Variants in CDH13 observed in about 807,000 individuals in gnomAD.
CDH13 encodes cadherin-13.
In CDH13, 24 loss-of-function variants were observed where a neutral mutation model predicts 63.8. The observed-to-expected ratio is 0.38, with a 90% CI of 0.27 to 0.53. The LOEUF is 0.53. Among genes scored for constraint, CDH13 ranks in the 20% least tolerant of loss-of-function variants. CDH13 has a pLI of 0.85. For synonymous variants in CDH13, 503 were observed against 355.3 expected, an observed-to-expected ratio of 1.42 and a Z score of -4.67; for missense variants, 1,049 against 903.1, an observed-to-expected ratio of 1.16 and a Z score of -2.07.
At chr16:83,402,464 A>T (rs1045561468) in intron 6 of CDH13, among the ~76,000 whole-genome samples, 1 of 152,244 alleles carries the variant, frequency 6.6e-6, no homozygotes, top group African/African-American at 2.4e-5. Context: ...TTACCAATCC[A>T]CAGAAATAGT....
intron 2 of CDH13, among the ~76,000 whole-genome samples, chr16:83,014,650 G>C (rs1914505863): frequency 6.8e-6 from 1 of 147,932 alleles, no homozygotes; most frequent in Non-Finnish European, 1.5e-5. Context: ...AGAATTGCTT[G>C]AACCTGGGAG....
intron 2 of CDH13, among the ~76,000 whole-genome samples, chr16:83,000,220 CTTATTTTTTTTTTTTTTTTTTTTTTTTT>C (rs1417153989): frequency 5.6e-4 from 19 of 33,948 alleles, no homozygotes; most frequent in African/African-American, 1.2e-3. Flanking sequence ...ACAGGTTTAG[CTTATTTTTTTTTTTTTTTTTTTTTTTTT>C]TTTTTTTTTT....
intron 7 of CDH13, among the ~76,000 whole-genome samples, chr16:83,590,911 T>C (rs1323874322): frequency 6.8e-6 from 1 of 147,862 alleles, no homozygotes; most frequent in Admixed American, 6.7e-5. Context: ...TTCTTTTTTT[T>C]TTTTTTTTTT....
chr16:83,351,465 G>A (rs986209681), intron 6 of CDH13, among the ~76,000 whole-genome samples: 1 of 152,090 alleles, frequency 6.6e-6, no homozygotes, highest in Admixed American at 6.5e-5. Flanking sequence ...GAGAGATGCA[G>A]GTGCACAGTT....
At chr16:83,173,873 A>T (rs2038020385) in intron 4 of CDH13, among the ~76,000 whole-genome samples, 2 of 152,036 alleles carry the variant, frequency 1.3e-5, no homozygotes, top group Non-Finnish European at 2.9e-5. Flanking sequence ...GGTTCCTATC[A>T]AACTCTGCTT....
chr16:82,627,786 G>A (rs1907518074), intron 1 of CDH13, among the ~76,000 whole-genome samples: 2 of 152,196 alleles, frequency 1.3e-5, no homozygotes, highest in Admixed American at 6.5e-5. Context: ...CCCCGGGCCC[G>A]AAAGGGCCGG....
intron 6 of CDH13, among the ~76,000 whole-genome samples, chr16:83,458,620 C>T (rs373852471): frequency 1.3e-5 from 2 of 152,152 alleles, no homozygotes; most frequent in South Asian, 2.1e-4. Flanking sequence ...GCTATGGTAG[C>T]CTTGTAACTT....
chr16:83,150,460 T>A (rs1254415985), intron 4 of CDH13, among the ~76,000 whole-genome samples: 2 of 152,112 alleles, frequency 1.3e-5, no homozygotes, highest in Non-Finnish European at 2.9e-5. Flanking sequence ...CTGCTCCCCA[T>A]AAGACCCTTC....
chr16:83,403,911 T>C (rs1352429916), intron 6 of CDH13, among the ~76,000 whole-genome samples: 3 of 152,228 alleles, frequency 2.0e-5, no homozygotes, highest in East Asian at 1.9e-4. Context: ...TGTTCGGGCA[T>C]GACTACACAA....
chr16:83,619,678 C>A (rs1204415780), intron 8 of CDH13, among the ~76,000 whole-genome samples: 1 of 152,254 alleles, frequency 6.6e-6, no homozygotes, highest in Non-Finnish European at 1.5e-5. Flanking sequence ...TCCCCGTGCC[C>A]ATGCCTGTGT....
At chr16:83,214,559 G>GAC (rs1203898907) in intron 4 of CDH13, among the ~76,000 whole-genome samples, 1 of 114,826 alleles carries the variant, frequency 8.7e-6, no homozygotes, top group Non-Finnish European at 1.7e-5. Flanking sequence ...CAGCCTGGGT[G>GAC]ACAGAGTGAG....
chr16:83,754,337 G>T (rs770747067), intron 11 of CDH13, among the ~76,000 whole-genome samples: 6 of 152,192 alleles, frequency 3.9e-5, no homozygotes, highest in Non-Finnish European at 7.3e-5. Context: ...TTCAGACTAA[G>T]ATACTCCAGA....
intron 2 of CDH13, among the ~76,000 whole-genome samples, chr16:82,959,941 G>A (rs1048667141): frequency 6.6e-6 from 1 of 152,080 alleles, no homozygotes; most frequent in African/African-American, 2.4e-5. Flanking sequence ...GCAATGTCTG[G>A]GTTATATAAT....
chr16:83,477,781 A>G (rs1039158515), intron 6 of CDH13, among the ~76,000 whole-genome samples: 2 of 152,204 alleles, frequency 1.3e-5, no homozygotes, highest in African/African-American at 2.4e-5. Context: ...CTCAGACCGA[A>G]GCTTGCCATA....
intron 3 of CDH13, among the ~76,000 whole-genome samples, chr16:83,112,128 G>T (rs2035086282): frequency 6.6e-6 from 1 of 152,144 alleles, no homozygotes; most frequent in South Asian, 2.1e-4. Context: ...ATCTCCCGCT[G>T]GGTTTCCTTC....
chr16:82,947,320 C>A (rs186075090), intron 2 of CDH13, among the ~76,000 whole-genome samples: 1 of 152,026 alleles, frequency 6.6e-6, no homozygotes, highest in Admixed American at 6.6e-5. Flanking sequence ...CAAGAGTGAC[C>A]AAGAGTGTGT....
intron 3 of CDH13, among the ~76,000 whole-genome samples, chr16:83,099,143 A>G (rs933577772): frequency 1.3e-5 from 2 of 152,178 alleles, no homozygotes; most frequent in Non-Finnish European, 2.9e-5. Context: ...AAGATATATA[A>G]GATCCTATTC....
intron 8 of CDH13, among the ~76,000 whole-genome samples, chr16:83,612,510 T>A (rs1416989643): frequency 6.6e-6 from 1 of 152,100 alleles, no homozygotes; most frequent in Non-Finnish European, 1.5e-5. Flanking sequence ...TTACATTTAA[T>A]GCAAGTACAA....
chr16:82,677,580 C>A (rs1323523170), intron 1 of CDH13, among the ~76,000 whole-genome samples: 1 of 149,574 alleles, frequency 6.7e-6, no homozygotes, highest in African/African-American at 2.5e-5. Flanking sequence ...GGATTAGGTT[C>A]TTTCAACAGT....
Sources: allele counts gnomAD v4.1 joint callset (sites outside exome capture counted in the v4.1 genomes callset), GRCh38; gene constraint gnomAD v4.1.1; transcripts MANE v1.5; gene names NCBI Gene and HGNC (gene_info 2026-07-23, HGNC 2026-07-21).